The following CD99L2 variants were observed in gnomAD, a reference collection of about 807,000 sequenced individuals.
CD99L2 encodes the protein CD99 molecule like 2.
In CD99L2, 24 loss-of-function variants were observed where a neutral mutation model predicts 27.3. The ratio of observed to expected loss-of-function variants is 0.88; its 90% CI spans 0.64 to 1.24. The LOEUF (loss-of-function observed/expected upper bound fraction) is 1.24. Ranked by LOEUF, CD99L2 falls within the 50% of genes most tolerant of loss-of-function variation. The probability of loss-of-function intolerance (pLI) is 0.00; values close to 1 mark genes in which losing one functional copy is unlikely to be tolerated. For synonymous variants in CD99L2, 97 were observed against 87.9 expected, an observed-to-expected ratio of 1.10 and a Z score of -0.58; for missense variants, 255 against 221.6, an observed-to-expected ratio of 1.15 and a Z score of -0.96.
At chrX:150,851,641 C>A (rs1410541646) in intron 1 of CD99L2, among the ~76,000 whole-genome samples, 1 of 112,090 alleles carries the variant, frequency 8.9e-6, no homozygotes, top group Non-Finnish European at 1.9e-5. Flanking sequence ...AAATGGGTGG[C>A]CCTGGGTTAA....
Position 150,795,245 on chromosome X carries a change from G to A in CD99L2, c.391C>T (p.Arg131Ter), listed in dbSNP as rs782320751. The change falls in exon 6 of 11, where the codon CGA becomes TGA. Residue 131 changes from arginine (R) to a stop codon, truncating the protein, a stop_gained. Coordinates refer to ENST00000370377, the MANE Select transcript of CD99L2 (RefSeq NM_031462.4). LOFTEE classifies it high-confidence loss of function. The part of the protein sequence containing the change: ...LADALDDRND[R>*]DDGRRKPIAG... ...ATTGGTTTCCTGCGGCCATCATCTC[G>A]ATCATTTCGATCATCCAGGGCATCA... 1.2e-5 allele frequency: 14 copies of A among 1,209,895 alleles called. No homozygotes were observed. Among genetic ancestry groups the A allele is most frequent in the Admixed American group, 2.2e-5 (1 of 45,785 alleles).
At chrX:150,897,526 A>AGTGTGT (rs58656065) in intron 1 of CD99L2, among the ~76,000 whole-genome samples, 2,086 of 103,807 alleles carry the variant, frequency 0.02, 57 homozygotes, top group African/African-American at 0.066. Context: ...ACTAGGACAA[A>AGTGTGT]GTGTGTGTGT....
intron 1 of CD99L2, among the ~76,000 whole-genome samples, chrX:150,849,288 A>G (rs1362229300): frequency 2.7e-5 from 3 of 111,824 alleles, no homozygotes; most frequent in African/African-American, 9.8e-5. Flanking sequence ...ACGGTGGCTC[A>G]TGACTGTAAT....
chrX:150,775,823 G>A (rs1337065220), intron 9 of CD99L2, among the ~76,000 whole-genome samples: 3 of 112,245 alleles, frequency 2.7e-5, no homozygotes, highest in African/African-American at 9.7e-5. Flanking sequence ...CCGCTTGGCT[G>A]AGGTCTGAAG....
At chrX:150,860,139 T>G (rs1557421868) in intron 1 of CD99L2, among the ~76,000 whole-genome samples, 1 of 112,114 alleles carries the variant, frequency 8.9e-6, no homozygotes, top group Non-Finnish European at 1.9e-5. Flanking sequence ...CACGATCAAG[T>G]GGAATTTATA....
At chrX:150,785,303 T>C (rs1255906764) in intron 7 of CD99L2, among the ~76,000 whole-genome samples, 3 of 110,743 alleles carry the variant, frequency 2.7e-5, no homozygotes, top group Non-Finnish European at 3.8e-5. Context: ...TACAAAAAAG[T>C]TTAAAACTTC....
chrX:150,802,041 G>C (rs1307657751), intron 4 of CD99L2, among the ~76,000 whole-genome samples: 2 of 111,865 alleles, frequency 1.8e-5, no homozygotes, highest in Non-Finnish European at 3.8e-5. Context: ...GTACTGAAAT[G>C]TCTAGCATTG....
At chrX:150,787,888 GTATATATATATATATATATA>G (rs527795783) in intron 7 of CD99L2, among the ~76,000 whole-genome samples, 13,781 of 63,797 alleles carry the variant, frequency 0.22, 1,376 homozygotes, top group African/African-American at 0.41. Flanking sequence ...AGAACTTAAA[GTATATATATATATATATATA>G]TATATATATA....
chrX:150,833,390 A>T (rs2046474088), intron 1 of CD99L2, among the ~76,000 whole-genome samples: 1 of 111,898 alleles, frequency 8.9e-6, no homozygotes, highest in Non-Finnish European at 1.9e-5. Context: ...GACCAAAGTG[A>T]TCTACAGATA....
At chrX:150,772,542 C>T (rs1448528900) in intron 9 of CD99L2, among the ~76,000 whole-genome samples, 1 of 112,756 alleles carries the variant, frequency 8.9e-6, no homozygotes, top group African/African-American at 3.2e-5. Flanking sequence ...GCTTCCACTG[C>T]CAAACTCAGG....
intron 1 of CD99L2, among the ~76,000 whole-genome samples, chrX:150,868,369 A>G (rs781792734): frequency 2.0e-5 from 2 of 101,448 alleles, no homozygotes; most frequent in Admixed American, 2.1e-4. Flanking sequence ...CTCTACTAAA[A>G]CTACAAAAAT....
At chrX:150,869,040 T>A (rs1439254557) in intron 1 of CD99L2, among the ~76,000 whole-genome samples, 5 of 112,369 alleles carry the variant, frequency 4.4e-5, no homozygotes, top group Non-Finnish European at 9.4e-5. Flanking sequence ...CTTTCCTGGA[T>A]AATAAGTTTA....
chrX:150,848,806 G>A (rs947169651), intron 1 of CD99L2, among the ~76,000 whole-genome samples: 6 of 111,379 alleles, frequency 5.4e-5, no homozygotes, highest in Non-Finnish European at 9.4e-5. Flanking sequence ...CATGTGCTTT[G>A]GAAGTACATT....
intron 1 of CD99L2, among the ~76,000 whole-genome samples, chrX:150,865,806 G>A (rs918226468): frequency 8.9e-6 from 1 of 112,525 alleles, no homozygotes; most frequent in Non-Finnish European, 1.9e-5. Flanking sequence ...ACTGAAGTTT[G>A]GGTAGTGGTA....
rs782406234 is a variant in CD99L2 at position 150,867,746 on chromosome X, A to C, written c.67+30776T>G. Among the ~76,000 whole-genome samples, 4 of 110,037 alleles carry C rather than the reference A, an allele frequency of 3.6e-5. No individual in the cohort carries two copies. The South Asian group carries it at 1.6e-3, about 44-fold the overall frequency. On this transcript the variant is annotated intron_variant, in intron 1 of 10. Transcript: ENST00000370377. Reference sequence around the variant, plus strand: ...GTCTCTACTAAAAATACAAAAAACTAGCTGGGCGTGGTGGCATGTGCCTAT... The same window carrying C: ...GTCTCTACTAAAAATACAAAAAACTCGCTGGGCGTGGTGGCATGTGCCTAT...
At chrX:150,824,181 A>AGGG (rs1347198750) in intron 2 of CD99L2, among the ~76,000 whole-genome samples, 1 of 74,730 alleles carries the variant, frequency 1.3e-5, no homozygotes, top group East Asian at 5.1e-4. Context: ...GAGGAGAAGG[A>AGGG]GGAGGAGGAA....
chrX:150,892,338 G>A (rs1175454632), intron 1 of CD99L2, among the ~76,000 whole-genome samples: 6 of 109,954 alleles, frequency 5.5e-5, no homozygotes, highest in African/African-American at 2.0e-4. Context: ...CGGGCACGGT[G>A]GCTCACGCCT....
chrX:150,821,657 C>T (rs1454366283), intron 2 of CD99L2, among the ~76,000 whole-genome samples: 3 of 112,378 alleles, frequency 2.7e-5, no homozygotes, highest in Non-Finnish European at 5.6e-5. Context: ...ATAAATTACA[C>T]ATTAATCAAA....
At chrX:150,881,840 C>G (rs1429814711) in intron 1 of CD99L2, among the ~76,000 whole-genome samples, 1 of 93,878 alleles carries the variant, frequency 1.1e-5, no homozygotes, top group South Asian at 5.1e-4. Context: ...TTTTTTGAGA[C>G]GGCGTCTCGC....
Sources: allele counts gnomAD v4.1 joint callset (sites outside exome capture counted in the v4.1 genomes callset), GRCh38; gene constraint gnomAD v4.1.1; transcripts MANE v1.5; gene names NCBI Gene and HGNC (gene_info 2026-07-23, HGNC 2026-07-21).